The following ATRNL1 variants were observed in gnomAD, a reference collection of about 807,000 sequenced individuals.
ATRNL1 encodes the protein attractin-like protein 1.
In ATRNL1, 95 loss-of-function variants were observed where a neutral mutation model predicts 182.7. The observed-to-expected ratio is 0.52, with a 90% CI of 0.44 to 0.62. The LOEUF is 0.62. Among genes scored for constraint, ATRNL1 ranks in the 20% least tolerant of loss-of-function variants. The pLI, the probability that ATRNL1 is intolerant of heterozygous loss-of-function variation, is 0.00. For missense variants in ATRNL1, 1,471 were observed against 1,679.5 expected (o/e 0.88, Z 2.17); for synonymous variants, 576 against 568.3 (o/e 1.01, Z -0.19).
At chr10:115,553,805 A>G (rs1460259629) in intron 26 of ATRNL1, among the ~76,000 whole-genome samples, 1 of 151,476 alleles carries the variant, frequency 6.6e-6, no homozygotes, top group Non-Finnish European at 1.5e-5. Flanking sequence ...TACTTTAATA[A>G]TGACATTTTA....
At chr10:115,415,569 T>G (rs942022781) in intron 20 of ATRNL1, among the ~76,000 whole-genome samples, 5 of 151,900 alleles carry the variant, frequency 3.3e-5, no homozygotes, top group African/African-American at 9.7e-5. Context: ...AAAATTACAT[T>G]TGGAATTTTA....
chr10:115,199,687 T>C (rs1209243185), intron 8 of ATRNL1, among the ~76,000 whole-genome samples: 1 of 152,160 alleles, frequency 6.6e-6, no homozygotes, highest in Non-Finnish European at 1.5e-5. Flanking sequence ...AACGGAGTTG[T>C]GGAGACTTCT....
intron 26 of ATRNL1, among the ~76,000 whole-genome samples, chr10:115,577,038 C>G (rs1854759051): frequency 6.6e-6 from 1 of 151,706 alleles, no homozygotes; most frequent in African/African-American, 2.4e-5. Flanking sequence ...AAATAACTTA[C>G]TATATGTGCT....
intron 28 of ATRNL1, among the ~76,000 whole-genome samples, chr10:115,863,573 G>A (rs1565444995): frequency 6.6e-6 from 1 of 152,142 alleles, no homozygotes; most frequent in African/African-American, 2.4e-5. Flanking sequence ...GAACCCTGTG[G>A]CATTGGGTTG....
chr10:115,387,763 T>C (rs966640011), intron 19 of ATRNL1, among the ~76,000 whole-genome samples: 8 of 152,226 alleles, frequency 5.3e-5, no homozygotes, highest in Non-Finnish European at 8.8e-5. Flanking sequence ...GTATTAGTAC[T>C]TTATTTCTTT....
chr10:115,587,468 G>GT (rs1855614530), intron 26 of ATRNL1, among the ~76,000 whole-genome samples: 1 of 151,822 alleles, frequency 6.6e-6, no homozygotes, highest in African/African-American at 2.4e-5. Context: ...GTGGTGTGCC[G>GT]TTGTTTTAGC....
At chr10:115,250,670 G>T (rs1554905194) in intron 10 of ATRNL1, among the ~76,000 whole-genome samples, 1 of 152,204 alleles carries the variant, frequency 6.6e-6, no homozygotes, top group Non-Finnish European at 1.5e-5. Context: ...GGAGTTGCAA[G>T]ATGCATAATT....
intron 28 of ATRNL1, among the ~76,000 whole-genome samples, chr10:115,859,765 G>T (rs1555103055): frequency 6.6e-6 from 1 of 152,130 alleles, no homozygotes; most frequent in East Asian, 1.9e-4. Flanking sequence ...AGGCATTTTT[G>T]AGTATGGATG....
At chr10:115,757,010 A>G (rs2960732) in intron 27 of ATRNL1, among the ~76,000 whole-genome samples, 149,566 of 152,236 alleles carry the variant, frequency 0.98, 73,518 homozygotes, top group Middle Eastern at 1. Flanking sequence ...GCATTTGCTT[A>G]GTATATCTTC....
At chr10:115,131,385 T>G (rs367685728) in intron 5 of ATRNL1, among the ~76,000 whole-genome samples, 2 of 152,118 alleles carry the variant, frequency 1.3e-5, no homozygotes, top group Non-Finnish European at 2.9e-5. Flanking sequence ...TGAATTGATA[T>G]GTTTGAAGGA....
intron 21 of ATRNL1, among the ~76,000 whole-genome samples, chr10:115,430,469 A>G (rs1233878491): frequency 1.3e-5 from 2 of 151,970 alleles, no homozygotes; most frequent in Non-Finnish European, 2.9e-5. Flanking sequence ...TAAAAACGTA[A>G]TTATTTTCTT....
intron 8 of ATRNL1, among the ~76,000 whole-genome samples, chr10:115,206,180 C>A (rs1848788848): frequency 6.6e-6 from 1 of 152,040 alleles, no homozygotes; most frequent in Admixed American, 6.6e-5. Context: ...AAACCATAGT[C>A]ATTTAAATTG....
At chr10:115,123,230 T>A (rs553499676) in intron 3 of ATRNL1, among the ~76,000 whole-genome samples, 1 of 152,338 alleles carries the variant, frequency 6.6e-6, no homozygotes, top group East Asian at 1.9e-4. Flanking sequence ...ATATTGAATA[T>A]CCACTTGATG....
In ATRNL1 at chr10:115,224,551, T is replaced by G. The variant is rs1049585228; in HGVS notation, c.1532+8671T>G. Among the ~76,000 whole-genome samples the G allele has an allele frequency of 5.9e-5, 9 of 152,006 alleles. No homozygotes were observed. The East Asian group carries it at 1.7e-3, about 29-fold the overall frequency. On this transcript the variant is annotated intron_variant, in intron 9 of 28. Coordinates refer to ENST00000355044, the MANE Select transcript of ATRNL1 (RefSeq NM_207303.4). ...AAATGATCCATAAAGCCACCAAAAC[T>G]CGACAAAGTTGGTTGTTTTTAATAG...
intron 19 of ATRNL1, among the ~76,000 whole-genome samples, chr10:115,342,857 A>G (rs1855813258): frequency 6.6e-6 from 1 of 152,042 alleles, no homozygotes; most frequent in East Asian, 1.9e-4. Context: ...ATATATATAC[A>G]CTTCAAATAT....
intron 26 of ATRNL1, among the ~76,000 whole-genome samples, chr10:115,580,427 T>C (rs1006980681): frequency 1.3e-5 from 2 of 152,214 alleles, no homozygotes; most frequent in East Asian, 3.9e-4. Context: ...TGCCCCCTTC[T>C]GGCCTGTAAT....
intron 24 of ATRNL1, among the ~76,000 whole-genome samples, chr10:115,490,181 G>T (rs190318287): frequency 2.5e-3 from 385 of 152,110 alleles, no homozygotes; most frequent in African/African-American, 8.7e-3. Context: ...TTGAACATTG[G>T]TGAATCTGAT....
chr10:115,880,268 G>A (rs1951797102), intron 28 of ATRNL1, among the ~76,000 whole-genome samples: 1 of 152,172 alleles, frequency 6.6e-6, no homozygotes, highest in African/African-American at 2.4e-5. Flanking sequence ...CTGGCCATGG[G>A]AGAGGGTGAA....
chr10:115,197,778 C>T (rs1848417441), intron 8 of ATRNL1, among the ~76,000 whole-genome samples: 1 of 152,206 alleles, frequency 6.6e-6, no homozygotes, highest in South Asian at 2.1e-4. Context: ...ATGGTATTTT[C>T]TATTTGCATT....
Sources: allele counts gnomAD v4.1 joint callset (sites outside exome capture counted in the v4.1 genomes callset), GRCh38; gene constraint gnomAD v4.1.1; transcripts MANE v1.5; gene names NCBI Gene and HGNC (gene_info 2026-07-23, HGNC 2026-07-21).